RARA: variants seen among roughly 807,000 people sequenced by gnomAD.
The protein encoded by RARA is PML-DDX5-RARA fusion.
RARA carries 5 observed loss-of-function variants against 42.8 expected under a neutral mutation model. That is an observed-to-expected ratio of 0.12 (90% CI 0.06 to 0.25). The LOEUF is 0.25. RARA is among the 10% of genes least tolerant of loss of function. The pLI, the probability that RARA is intolerant of heterozygous loss-of-function variation, is 1.00. For synonymous variants in RARA, 256 were observed against 259.5 expected, an observed-to-expected ratio of 0.99 and a Z score of 0.13; for missense variants, 402 against 628.7, an observed-to-expected ratio of 0.64 and a Z score of 3.86.
intron 2 of RARA, among the ~76,000 whole-genome samples, chr17:40,344,865 G>C (rs1226455090): frequency 6.6e-6 from 1 of 152,182 alleles, no homozygotes; most frequent in Non-Finnish European, 1.5e-5. Context: ...ACTCAGTCTA[G>C]AATATGTGGG....
intron 2 of RARA, among the ~76,000 whole-genome samples, chr17:40,338,276 A>G (rs1247402355): frequency 6.6e-6 from 1 of 152,136 alleles, no homozygotes; most frequent in African/African-American, 2.4e-5. Flanking sequence ...TCTCTAAGTC[A>G]TTTTGGGGCA....
Position 40,352,625 on chromosome 17 carries a change from C to A in RARA, c.807+118C>A. 1.0e-6 allele frequency: 1 copy of A among 982,220 alleles called. No homozygotes were observed. Among genetic ancestry groups the A allele is most frequent in the Non-Finnish European group, 1.4e-6 (1 of 699,194 alleles). 60.8% of individuals were successfully genotyped at this position (982,220 alleles called of 1,614,324 possible). ...GCAATCAACCTGTCCAAATGCCCAC[C>A]GCCCAAATGTCTGCCCTTCCTCTCC... On this transcript the variant is annotated intron_variant, in intron 6 of 8. Coordinates refer to ENST00000254066, the MANE Select transcript of RARA (RefSeq NM_000964.4). This position sits in a 1 kb window ranked among gnomAD's most constrained non-coding sequence, Gnocchi z 4.9.
chr17:40,333,319 A>C (rs2033754751), intron 2 of RARA, among the ~76,000 whole-genome samples: 1 of 151,984 alleles, frequency 6.6e-6, no homozygotes, highest in African/African-American at 2.4e-5. Flanking sequence ...AAGTGCTAGG[A>C]TTATAGGCAT....
intron 2 of RARA, 21 bp downstream of exon 2, chr17:40,331,417 T>G (rs1305920660): frequency 6.2e-7 from 1 of 1,607,368 alleles, no homozygotes; most frequent in African/African-American, 1.3e-5. Flanking sequence ...GTGTGGGGGC[T>G]GGGGTGGGAA....
At chr17:40,327,783 G>T (rs895143838) in intron 1 of RARA, among the ~76,000 whole-genome samples, 5 of 152,196 alleles carry the variant, frequency 3.3e-5, no homozygotes, top group Admixed American at 6.5e-5. Context: ...GGGTCCAACT[G>T]TAGGAACTGA....
intron 2 of RARA, chr17:40,340,787 G>A: frequency 2.5e-6 from 1 of 399,286 alleles, no homozygotes. Flanking sequence ...GGTTCCCCAG[G>A]GTGTCCACAT....
At chr17:40,353,437 C>CT (rs1339816656) in intron 6 of RARA, among the ~76,000 whole-genome samples, 1 of 152,090 alleles carries the variant, frequency 6.6e-6, no homozygotes. Context: ...TTTGACGAGA[C>CT]TGTCATTTCT....
At chr17:40,331,440 G>T in intron 2 of RARA, 44 bp downstream of exon 2, 1 of 1,583,446 alleles carries the variant, frequency 6.3e-7, no homozygotes, top group Non-Finnish European at 8.6e-7. Flanking sequence ...GACTGTGGAG[G>T]GTGGCAGGCC....
At chr17:40,325,290 A>AATAC (rs1172022651) in intron 1 of RARA, among the ~76,000 whole-genome samples, 1 of 151,358 alleles carries the variant, frequency 6.6e-6, no homozygotes, top group Non-Finnish European at 1.5e-5. Flanking sequence ...TAAATAAATA[A>AATAC]ATAAATAAAA....
intron 1 of RARA, among the ~76,000 whole-genome samples, chr17:40,315,870 G>A (rs2033203325): frequency 6.6e-6 from 1 of 152,146 alleles, no homozygotes; most frequent in East Asian, 1.9e-4. Flanking sequence ...GAAACAGTAG[G>A]CCCCAAGGAG....
intron 2 of RARA, among the ~76,000 whole-genome samples, chr17:40,333,176 T>C (rs1255349072): frequency 6.6e-6 from 1 of 152,108 alleles, no homozygotes; most frequent in Non-Finnish European, 1.5e-5. Flanking sequence ...CGGCCTCCCA[T>C]GTAGCTGGGA....
chr17:40,335,693 A>G (rs940693301), intron 2 of RARA, among the ~76,000 whole-genome samples: 53 of 151,458 alleles, frequency 3.5e-4, no homozygotes, highest in African/African-American at 1.3e-3. Flanking sequence ...CTGTCTCCGA[A>G]AAAAAAAGAT....
At chr17:40,334,079 G>A (rs532845390) in intron 2 of RARA, among the ~76,000 whole-genome samples, 4 of 152,330 alleles carry the variant, frequency 2.6e-5, no homozygotes, top group African/African-American at 9.6e-5. Flanking sequence ...GGTTGGAGGT[G>A]GGGGCTGGGG....
chr17:40,356,770 T>G lies in RARA; in HGVS notation c.*544T>G. 1 of 513,578 alleles carries G rather than the reference T, an allele frequency of 1.9e-6. No homozygotes were observed. Among genetic ancestry groups the G allele is most frequent in the Non-Finnish European group, 3.7e-6 (1 of 269,760 alleles). 31.8% of individuals were successfully genotyped at this position (513,578 alleles called of 1,614,324 possible). ...TTTTAATTTTTTTGTTTTGATTTTTTTAATAAGAATTTTCATTTTAAGCAC... is the reference window on the plus strand; with the variant it reads ...TTTTAATTTTTTTGTTTTGATTTTTGTAATAAGAATTTTCATTTTAAGCAC... On this transcript the variant is annotated 3_prime_UTR_variant, in exon 9 of 9. Coordinates refer to ENST00000254066, the MANE Select transcript of RARA (RefSeq NM_000964.4).
intron 2 of RARA, chr17:40,341,570 C>T (rs2034041204): frequency 4.4e-6 from 6 of 1,366,974 alleles, no homozygotes; most frequent in Non-Finnish European, 3.8e-6. Context: ...GGCTGGCGGG[C>T]GAGCCCCGCG....
chr17:40,351,493 C>T lies in RARA; in HGVS notation c.470-417C>T. 2.1e-6 allele frequency: 1 copy of T among 474,668 alleles called. No individual in the cohort carries two copies. The highest frequency in any genetic ancestry group is 4.4e-6 in the Non-Finnish European group (1 of 229,748). 29.4% of individuals were successfully genotyped at this position (474,668 alleles called of 1,614,324 possible). A position where few individuals can be genotyped will look rare whatever the true frequency, so the allele number is the denominator to read the frequency against. On this transcript the variant is annotated intron_variant, in intron 4 of 8. Transcript: ENST00000254066. The surrounding 1 kb of genome is among the most constrained non-coding windows in gnomAD (Gnocchi z 4.1). ...CCCCAGGAGCTGCTCAGAGCCAGTCCCAAGGGACCCCCAGGGAGACTGCAG... is the reference window on the plus strand; with the variant it reads ...CCCCAGGAGCTGCTCAGAGCCAGTCTCAAGGGACCCCCAGGGAGACTGCAG...
chr17:40,353,710 C>T (rs1443285635), intron 6 of RARA, among the ~76,000 whole-genome samples: 1 of 152,196 alleles, frequency 6.6e-6, no homozygotes, highest in African/African-American at 2.4e-5. Context: ...CCCGCGTGAG[C>T]CGGCAGACTG....
intron 2 of RARA, among the ~76,000 whole-genome samples, chr17:40,332,275 C>A (rs11657150): frequency 6.6e-6 from 1 of 152,094 alleles, no homozygotes; most frequent in Non-Finnish European, 1.5e-5. Context: ...GGGGCCTGGC[C>A]TGGGACGGGA....
chr17:40,342,935 TC>T, intron 2 of RARA: 1 of 1,544,764 alleles, frequency 6.5e-7, no homozygotes, highest in Non-Finnish European at 8.7e-7. Flanking sequence ...CCACTACTAC[TC>T]GGGGGTGAGA....
Sources: allele counts gnomAD v4.1 joint callset (sites outside exome capture counted in the v4.1 genomes callset), GRCh38; gene constraint gnomAD v4.1.1; non-coding constraint Gnocchi (gnomAD v3.1); transcripts MANE v1.5; gene names NCBI Gene and HGNC (gene_info 2026-07-23, HGNC 2026-07-21).